LOXL2: variants seen among roughly 807,000 people sequenced by gnomAD.
LOXL2 encodes lysyl oxidase like 2.
In LOXL2, 70 loss-of-function variants were observed where a neutral mutation model predicts 93.0. The ratio of observed to expected loss-of-function variants is 0.75; its 90% CI spans 0.62 to 0.92. The LOEUF (loss-of-function observed/expected upper bound fraction) is 0.92. LOXL2 is among the 40% of genes least tolerant of loss of function. The pLI is 0.00. For missense variants in LOXL2, 973 were observed against 1,054.9 expected (o/e 0.92, Z 1.08); for synonymous variants, 438 against 413.2 (o/e 1.06, Z -0.73).
intron 1 of LOXL2, chr8:23,386,123 T>C: frequency 1.3e-6 from 1 of 743,324 alleles, no homozygotes; most frequent in South Asian, 1.4e-5. Flanking sequence ...AAGCTGGAAT[T>C]TGTAACCAGG....
intron 5 of LOXL2, among the ~76,000 whole-genome samples, chr8:23,332,695 CA>C (rs1364016620): frequency 1.6e-4 from 11 of 69,176 alleles, no homozygotes; most frequent in African/African-American, 2.5e-4. Context: ...ATACACCCCC[CA>C]CACACTCATA....
intron 1 of LOXL2, chr8:23,385,997 C>G: frequency 2.6e-6 from 2 of 765,294 alleles, no homozygotes; most frequent in East Asian, 4.8e-5. Flanking sequence ...CTGCACAACA[C>G]AGCTTTGGAC....
chr8:23,375,815 T>C (rs946131484), intron 1 of LOXL2, among the ~76,000 whole-genome samples: 1 of 152,224 alleles, frequency 6.6e-6, no homozygotes, highest in African/African-American at 2.4e-5. Context: ...CTGAAGTTGC[T>C]TATCAGCTTA....
At chr8:23,369,951 G>C (rs1275029996) in intron 1 of LOXL2, among the ~76,000 whole-genome samples, 3 of 152,116 alleles carry the variant, frequency 2.0e-5, no homozygotes, top group Admixed American at 1.3e-4. Flanking sequence ...GGTATTATTA[G>C]GATTCTTATT....
chr8:23,339,045 T>C (rs1189916042), intron 4 of LOXL2, among the ~76,000 whole-genome samples: 1 of 152,044 alleles, frequency 6.6e-6, no homozygotes, highest in Non-Finnish European at 1.5e-5. Flanking sequence ...GCCTTATCAT[T>C]CCCTAGGAGT....
intron 1 of LOXL2, among the ~76,000 whole-genome samples, chr8:23,396,006 T>C (rs1025839548): frequency 6.6e-6 from 1 of 151,802 alleles, no homozygotes; most frequent in Admixed American, 6.6e-5. Flanking sequence ...ACTCTTAGAG[T>C]CACTGATAAA....
At chr8:23,362,792 T>A (rs1269237286) in intron 2 of LOXL2, among the ~76,000 whole-genome samples, 6 of 151,810 alleles carry the variant, frequency 4.0e-5, no homozygotes. Flanking sequence ...TTGGCCATAA[T>A]TTTTTTTTAA....
intron 1 of LOXL2, among the ~76,000 whole-genome samples, chr8:23,401,045 G>C (rs769100449): frequency 2.0e-5 from 3 of 152,172 alleles, no homozygotes; most frequent in Non-Finnish European, 4.4e-5. Flanking sequence ...GAGAGTCCAC[G>C]AGTAACATGG....
At chr8:23,344,334 G>T (rs143049256) in intron 3 of LOXL2, among the ~76,000 whole-genome samples, 1 of 152,142 alleles carries the variant, frequency 6.6e-6, no homozygotes, top group African/African-American at 2.4e-5. Context: ...CACTGCATAC[G>T]TGTTTATGCA....
chr8:23,372,841 G>A (rs1459971003), intron 1 of LOXL2, among the ~76,000 whole-genome samples: 2 of 152,176 alleles, frequency 1.3e-5, no homozygotes, highest in South Asian at 4.1e-4. Flanking sequence ...AGAAGACACA[G>A]AAAAATCCTG....
At chr8:23,332,203 ACCCACACCCAC>A (rs1803694345) in intron 5 of LOXL2, among the ~76,000 whole-genome samples, 1 of 134,648 alleles carries the variant, frequency 7.4e-6, no homozygotes, top group Non-Finnish European at 1.6e-5. Flanking sequence ...CCCCACACAC[ACCCACACCCAC>A]CCCACACACC....
At chr8:23,315,969 C>T (rs544073304) in intron 9 of LOXL2, among the ~76,000 whole-genome samples, 2 of 152,306 alleles carry the variant, frequency 1.3e-5, no homozygotes, top group African/African-American at 2.4e-5. Flanking sequence ...TGCTTTCCCC[C>T]GGGGAGCTGG....
chr8:23,381,388 A>C lies in LOXL2; in HGVS notation c.-83-12954T>G, dbSNP rs562338369. ...GTTTGTACAAAATCAACACTTTTGC[A>C]AAACTATATGAACCACCTTCCAGAA... On this transcript the variant is annotated intron_variant, in intron 1 of 13. Coordinates refer to ENST00000389131, the MANE Select transcript of LOXL2 (RefSeq NM_002318.3). Among the ~76,000 whole-genome samples, 5 of 152,328 alleles carry C rather than the reference A, an allele frequency of 3.3e-5. No homozygotes were observed. In the East Asian group the frequency reaches 7.7e-4, roughly 23 times the overall value.
intron 2 of LOXL2, 70 bp from the exon 3 acceptor site, chr8:23,360,335 G>A: frequency 2.5e-6 from 3 of 1,194,244 alleles, no homozygotes; most frequent in Non-Finnish European, 3.5e-6. Context: ...CGGGGCACCA[G>A]TGTCTCACAT....
At chr8:23,381,173 T>G (rs1038682304) in intron 1 of LOXL2, among the ~76,000 whole-genome samples, 1 of 151,724 alleles carries the variant, frequency 6.6e-6, no homozygotes, top group African/African-American at 2.4e-5. Flanking sequence ...GCTTTTCACA[T>G]TGAACAGCAT....
At position 23,341,052 on chromosome 8, in the gene LOXL2, C is replaced by T. The variant is rs143787010; in HGVS notation, c.683G>A (p.Arg228His). The change falls in exon 4 of 14, where the codon CGC becomes CAC. Residue 228 changes from arginine to histidine, a missense_variant. By Grantham distance (29) the Arg-to-His change is conservative. Coordinates refer to ENST00000389131, the MANE Select transcript of LOXL2 (RefSeq NM_002318.3). The part of the protein sequence containing the change: ...CDKHWTAKNS[R>H]VVCGMFGFPG... ...GAAGCCAAACATGCCGCAGACCACGCGGGAATTCTTGGCCGTCCAGTGCTT... is the reference window on the plus strand; with the variant it reads ...GAAGCCAAACATGCCGCAGACCACGTGGGAATTCTTGGCCGTCCAGTGCTT... 151 of 1,614,048 alleles carry T rather than the reference C, an allele frequency of 9.4e-5. No individual in the cohort carries two copies. The highest frequency in any genetic ancestry group is 1.3e-4 in the South Asian group (12 of 91,092).
chr8:23,345,061 C>G (rs984244323), intron 3 of LOXL2, among the ~76,000 whole-genome samples: 11 of 152,202 alleles, frequency 7.2e-5, no homozygotes, highest in Non-Finnish European at 1.5e-4. Flanking sequence ...ATACAGAAAA[C>G]TTTACATCCA....
At chr8:23,358,998 C>T (rs1039958816) in intron 3 of LOXL2, among the ~76,000 whole-genome samples, 15 of 152,064 alleles carry the variant, frequency 9.9e-5, no homozygotes, top group East Asian at 9.6e-4. Flanking sequence ...CCCACAACAA[C>T]GTCTGGCTAT....
chr8:23,351,759 G>A (rs1804096978), intron 3 of LOXL2, among the ~76,000 whole-genome samples: 1 of 152,178 alleles, frequency 6.6e-6, no homozygotes, highest in Non-Finnish European at 1.5e-5. Context: ...CTTGCTTTGT[G>A]TGTCCCTTTT....
Sources: gnomAD v4.1 joint callset for allele counts (sites outside exome capture counted in the v4.1 genomes callset) on GRCh38, gnomAD v4.1.1 for gene constraint, MANE v1.5 for transcripts, NCBI Gene and HGNC (gene_info 2026-07-23, HGNC 2026-07-21) for gene names.